RPL27A: variants seen among roughly 807,000 people sequenced by gnomAD.
RPL27A encodes large ribosomal subunit protein uL15.
For missense variants in RPL27A, 118 were observed against 189.4 expected, an observed-to-expected ratio of 0.62 and a Z score of 2.21; for synonymous variants, 69 against 68.3, an observed-to-expected ratio of 1.01 and a Z score of -0.05.
chr11:8,685,001 G>T, intron 4 of RPL27A, 109 bp downstream of exon 4: 2 of 1,073,876 alleles, frequency 1.9e-6, no homozygotes, highest in South Asian at 2.6e-5. Flanking sequence ...ACCAGACATT[G>T]ATATTCTTCC....
chr11:8,684,225 TC>T (rs2039556537), intron 3 of RPL27A, 144 bp downstream of exon 3: 1 of 791,854 alleles, frequency 1.3e-6, no homozygotes, highest in African/African-American at 1.7e-5. Context: ...TGAGAACCTG[TC>T]ATCGAGGCTA....
In RPL27A at chr11:8,684,334, C is replaced by CA. The variant is rs984465984; in HGVS notation, c.143+254dup. ...CTGGCTGTGGGCCTTATGGCACAGT[C>CA]AGTCACCAGGTTAGAGACATGCTTC... On this transcript the variant is annotated intron_variant, in intron 3 of 4. Coordinates refer to ENST00000314138, the MANE Select transcript of RPL27A (RefSeq NM_000990.5). 7 of 739,712 alleles carry CA rather than the reference C, an allele frequency of 9.5e-6. No individual in the cohort carries two copies. In the African/African-American group the frequency reaches 1.0e-4, roughly 11 times the overall value. The allele number at this position is 739,712 out of a possible 1,614,324, so 45.8% of individuals were successfully genotyped here.
At position 8,685,824 on chromosome 11, in the gene RPL27A, T is replaced by C; in HGVS notation, c.*18T>C. On this transcript the variant is annotated 3_prime_UTR_variant, in exon 5 of 5. Transcript: ENST00000314138. The stretch of plus-strand genomic sequence containing the variant: ...TGGCTTGAAGCCACATGGAGGGAGT[T>C]TCATTAAATGCTAACTACTTTTTCC... The C allele has an allele frequency of 6.2e-7, 1 of 1,612,548 alleles. No homozygotes were observed. Among genetic ancestry groups the C allele is most frequent in the Non-Finnish European group, 8.5e-7 (1 of 1,179,196 alleles).
chr11:8,684,219 A>G (rs776724974), intron 3 of RPL27A, 138 bp downstream of exon 3: 4 of 804,998 alleles, frequency 5.0e-6, no homozygotes, highest in South Asian at 1.3e-5. Flanking sequence ...GTGAACTGAG[A>G]ACCTGTCATC....
In RPL27A at chr11:8,684,317, G is replaced by A. The variant is rs756684550; in HGVS notation, c.143+236G>A. 3 of 745,854 alleles carry A rather than the reference G, an allele frequency of 4.0e-6. No individual in the cohort carries two copies. In the African/African-American group the frequency reaches 5.1e-5, roughly 13 times the overall value. 46.2% of individuals were successfully genotyped at this position (745,854 alleles called of 1,614,324 possible). On this transcript the variant is annotated intron_variant, in intron 3 of 4. Transcript: ENST00000314138. ...ACTGCTGACCTTATTCACTGGCTGT[G>A]GGCCTTATGGCACAGTCAGTCACCA... is the stretch of plus-strand genomic sequence containing the variant.
At position 8,689,703 on chromosome 11, in the gene RPL27A, G is replaced by A. The variant is rs950490014; in HGVS notation, c.*3897G>A. On this transcript the variant is annotated 3_prime_UTR_variant, in exon 5 of 5. Coordinates refer to ENST00000314138, the MANE Select transcript of RPL27A (RefSeq NM_000990.5). ...TCCCCTAGCAAGAATATAGGTTAAA[G>A]CGTAAATTTAATTCCTGGCTCTATT... 2.6e-5 allele frequency: 4 copies of A among 152,278 alleles called. No individual in the cohort carries two copies. Among genetic ancestry groups the A allele is most frequent in the Non-Finnish European group, 5.9e-5 (4 of 68,022 alleles). 9.4% of individuals were successfully genotyped at this position (152,278 alleles called of 1,614,324 possible). A position where few individuals can be genotyped will look rare whatever the true frequency, so the allele number is the denominator to read the frequency against.
At chr11:8,685,081 G>A (rs2073685) in intron 4 of RPL27A, 189 bp downstream of exon 4, 111,959 of 635,084 alleles carry the variant, frequency 0.18, 10,521 homozygotes, top group East Asian at 0.26. Flanking sequence ...GGTTGTATCA[G>A]GTTTGCATTT....
At chr11:8,684,184 GT>G (rs759267366) in intron 3 of RPL27A, 103 bp downstream of exon 3, 4 of 949,516 alleles carry the variant, frequency 4.2e-6, no homozygotes, top group Non-Finnish European at 6.9e-6. Flanking sequence ...GCCTATTGCT[GT>G]TTTTTACCAA....
chr11:8,685,911 G>A lies in RPL27A; in HGVS notation c.*105G>A. On this transcript the variant is annotated 3_prime_UTR_variant, in exon 5 of 5. Transcript: ENST00000314138. The stretch of plus-strand genomic sequence containing the variant: ...ACATCCTGTGTGCATTGGGAGCCCA[G>A]GTTCTAGTACTTAGGGTATGAAGAC... 3 of 1,124,776 alleles carry A rather than the reference G, an allele frequency of 2.7e-6. No homozygotes were observed. The highest frequency in any genetic ancestry group is 3.9e-6 in the Non-Finnish European group (3 of 778,518). The allele number at this position is 1,124,776 out of a possible 1,614,324, so 69.7% of individuals were successfully genotyped here.
rs1178774388 is a variant in RPL27A, at chr11:8,686,951, C to T, written c.*1145C>T. Reference sequence around the variant, plus strand: ...CCTGGGTTTTAGTTAGTGGAGGTTTCCTTAGTGCACTGTGGGGTCATAATA... The same window carrying T: ...CCTGGGTTTTAGTTAGTGGAGGTTTTCTTAGTGCACTGTGGGGTCATAATA... On this transcript the variant is annotated 3_prime_UTR_variant, in exon 5 of 5. Transcript: ENST00000314138. 1.3e-5 allele frequency: 2 copies of T among 152,230 alleles called. No homozygotes were observed. The highest frequency in any genetic ancestry group is 2.9e-5 in the Non-Finnish European group (2 of 68,014). The allele number at this position is 152,230 out of a possible 1,614,324, so 9.4% of individuals were successfully genotyped here. A position where few individuals can be genotyped will look rare whatever the true frequency, so the allele number is the denominator to read the frequency against.
rs1285296357 is a variant in RPL27A at position 8,683,283 on chromosome 11, C to T, written c.67+18C>T. 3.7e-6 allele frequency: 6 copies of T among 1,612,978 alleles called. No individual in the cohort carries two copies. Among genetic ancestry groups the T allele is most frequent in the Non-Finnish European group, 4.2e-6 (5 of 1,178,884 alleles). ...CCGCATAGGTAAGTGCCGGCTTCCC[C>T]TCGGGGTGGGCCTTGGGCTCTCTTC... On this transcript the variant is annotated intron_variant, in intron 2 of 4. Coordinates refer to ENST00000314138, the MANE Select transcript of RPL27A (RefSeq NM_000990.5).
chr11:8,684,531 C>A, intron 3 of RPL27A, 187 bp from the exon 4 acceptor site: 3 of 670,840 alleles, frequency 4.5e-6, no homozygotes, highest in South Asian at 3.5e-5. Context: ...ATAAGACTAG[C>A]CTTTTCCTCA....
At position 8,683,014 on chromosome 11, in the gene RPL27A, A is replaced by G. The variant is rs2087727197; in HGVS notation, c.4-188A>G. 4.6e-6 allele frequency: 4 copies of G among 864,734 alleles called. No individual in the cohort carries two copies. In the South Asian group the frequency reaches 5.1e-5, roughly 11 times the overall value. 53.6% of individuals were successfully genotyped at this position (864,734 alleles called of 1,614,324 possible). The stretch of plus-strand genomic sequence containing the variant: ...TGTTAGGCCCGCGGTTCGGATCTCT[A>G]GGACACGCGGGCCCCTGCGCTACCG... On this transcript the variant is annotated intron_variant, in intron 1 of 4. Transcript: ENST00000314138.
intron 4 of RPL27A, 172 bp from the exon 5 acceptor site, chr11:8,685,506 A>C (rs772508423): frequency 2.6e-6 from 2 of 764,994 alleles, no homozygotes; most frequent in Admixed American, 3.4e-5. Context: ...AAGAGAATCT[A>C]CTGGTCTTGA....
intron 1 of RPL27A, 107 bp downstream of exon 1, chr11:8,682,923 C>A: frequency 2.1e-6 from 3 of 1,412,006 alleles, no homozygotes; most frequent in Non-Finnish European, 2.9e-6. Flanking sequence ...GGCTTCCAGG[C>A]TGCGCATGGC....
chr11:8,683,994 G>C lies in RPL27A; in HGVS notation c.68-12G>C, dbSNP rs747587242. ...CATCACACCGGCCCCACGTAGCTTT[G>C]TATTCCTGCAGGCAAGCACCGGAAG... On this transcript the variant is annotated splice_polypyrimidine_tract_variant and intron_variant, in intron 2 of 4. Coordinates refer to ENST00000314138, the MANE Select transcript of RPL27A (RefSeq NM_000990.5). 8.1e-6 allele frequency: 13 copies of C among 1,609,514 alleles called. No homozygotes were observed. The highest frequency in any genetic ancestry group is 1.1e-5 in the Non-Finnish European group (13 of 1,179,382).
chr11:8,687,225 C>A lies in RPL27A; in HGVS notation c.*1419C>A, dbSNP rs1323049047. On this transcript the variant is annotated 3_prime_UTR_variant, in exon 5 of 5. Coordinates refer to ENST00000314138, the MANE Select transcript of RPL27A (RefSeq NM_000990.5). ...GACCAGCCTGACCAACCTGGAGAAA[C>A]CTTGTCTCTACTAAATACACAAAAT... 1 of 152,066 alleles carries A rather than the reference C, an allele frequency of 6.6e-6. No individual in the cohort carries two copies. The highest frequency in any genetic ancestry group is 1.5e-5 in the Non-Finnish European group (1 of 68,022). 9.4% of individuals were successfully genotyped at this position (152,066 alleles called of 1,614,324 possible).
intron 4 of RPL27A, 162 bp downstream of exon 4, chr11:8,685,054 C>CAGTAGGCACTG: frequency 1.4e-6 from 1 of 708,864 alleles, no homozygotes; most frequent in Non-Finnish European, 2.4e-6. Flanking sequence ...CGTAGCAGTG[C>CAGTAGGCACTG]CTACTGTCAC....
chr11:8,683,480 A>G, intron 2 of RPL27A: 1 of 593,486 alleles, frequency 1.7e-6, no homozygotes, highest in East Asian at 2.8e-5. Flanking sequence ...GTATTGGGTT[A>G]GTTGAAGACA....
Sources: gnomAD v4.1 joint callset for allele counts on GRCh38, gnomAD v4.1.1 for gene constraint, MANE v1.5 for transcripts, NCBI Gene and HGNC (gene_info 2026-07-23, HGNC 2026-07-21) for gene names.